The following CAST variants were observed in gnomAD, a reference collection of about 807,000 sequenced individuals.
The protein encoded by CAST is calpastatin, also known as MIR583 host.
Under a neutral mutation model 119.6 loss-of-function variants are expected in CAST, and 76 were observed. The observed-to-expected ratio is 0.64, with a 90% CI of 0.53 to 0.77. The LOEUF (loss-of-function observed/expected upper bound fraction) is 0.77. Ranked by LOEUF, CAST falls within the 30% of genes least tolerant of loss-of-function variation. The probability of loss-of-function intolerance (pLI) is 0.00; values close to 1 mark genes in which losing one functional copy is unlikely to be tolerated. For synonymous variants in CAST, 319 were observed against 331.6 expected (o/e 0.96, Z 0.41); for missense variants, 953 against 946.5 (o/e 1.01, Z -0.09).
intron 1 of CAST, among the ~76,000 whole-genome samples, chr5:96,604,802 T>C (rs1747221666): frequency 6.6e-6 from 1 of 152,198 alleles, no homozygotes; most frequent in Non-Finnish European, 1.5e-5. Flanking sequence ...GCAATGGCAA[T>C]CCATCAAAGG....
the CAST span, chr5:96,416,189 A>G: frequency 4.8e-6 from 5 of 1,035,420 alleles, no homozygotes; most frequent in East Asian, 7.1e-5. Context: ...ATATGAATGA[A>G]TTAATGGGGC....
chr5:96,282,296 T>G, the CAST span, among the ~76,000 whole-genome samples: 6 of 152,196 alleles, frequency 3.9e-5, no homozygotes, highest in Middle Eastern at 3.2e-3. Flanking sequence ...TGTTTTATCC[T>G]GTGTCAACTG....
At chr5:96,589,528 A>T (rs1000334995) in intron 1 of CAST, among the ~76,000 whole-genome samples, 3 of 152,150 alleles carry the variant, frequency 2.0e-5, no homozygotes, top group African/African-American at 7.2e-5. Context: ...TCATTTTTGC[A>T]CTTGCTTTTA....
the CAST span, among the ~76,000 whole-genome samples, chr5:96,430,812 T>C: frequency 6.6e-6 from 1 of 152,202 alleles, no homozygotes; most frequent in Non-Finnish European, 1.5e-5. Flanking sequence ...TAAATATAGA[T>C]GGTTTTCCCC....
the CAST span, among the ~76,000 whole-genome samples, chr5:96,425,113 C>T: frequency 2.4e-3 from 367 of 151,842 alleles, 1 homozygote; most frequent in South Asian, 0.015. Flanking sequence ...TTTTCTAACC[C>T]TTATGCAACA....
chr5:96,447,423 G>A, the CAST span, among the ~76,000 whole-genome samples: 2 of 152,160 alleles, frequency 1.3e-5, no homozygotes, highest in Non-Finnish European at 1.5e-5. Context: ...AATAGCCACC[G>A]ACTACATATA....
the CAST span, among the ~76,000 whole-genome samples, chr5:96,231,275 C>T: frequency 6.6e-6 from 1 of 152,016 alleles, no homozygotes; most frequent in Non-Finnish European, 1.5e-5. Flanking sequence ...TGTTTTATGT[C>T]CATAGAATAG....
At chr5:96,003,779 G>C in the CAST span, among the ~76,000 whole-genome samples, 1 of 152,068 alleles carries the variant, frequency 6.6e-6, no homozygotes, top group Non-Finnish European at 1.5e-5. Flanking sequence ...GTTTTTAAGA[G>C]ACCACAATTA....
chr5:96,737,270 C>T (rs1391041476), intron 10 of CAST, among the ~76,000 whole-genome samples: 1 of 151,956 alleles, frequency 6.6e-6, no homozygotes, highest in Non-Finnish European at 1.5e-5. Context: ...AGTTTAATGT[C>T]TCAGGTAATT....
At chr5:96,033,682 A>C in the CAST span, among the ~76,000 whole-genome samples, 2 of 152,170 alleles carry the variant, frequency 1.3e-5, no homozygotes, top group Non-Finnish European at 2.9e-5. Context: ...ATAAGACCTC[A>C]AACTATGAAA....
chr5:96,716,333 A>G (rs1379378026), intron 3 of CAST, among the ~76,000 whole-genome samples: 2 of 152,228 alleles, frequency 1.3e-5, no homozygotes, highest in Non-Finnish European at 2.9e-5. Context: ...TAAATGACCT[A>G]AAGTTTAAAT....
chr5:95,961,870 G>T, the CAST span: 27 of 1,043,366 alleles, frequency 2.6e-5, no homozygotes, highest in Non-Finnish European at 3.5e-5. Context: ...CCAGACCTCG[G>T]ACTGCCACCG....
chr5:96,286,759 T>G, the CAST span, among the ~76,000 whole-genome samples: 18 of 152,290 alleles, frequency 1.2e-4, no homozygotes, highest in African/African-American at 4.1e-4. Context: ...CATGAGGGTA[T>G]TTTTTAAAAT....
chr5:96,243,206 A>G, the CAST span, among the ~76,000 whole-genome samples: 2 of 151,692 alleles, frequency 1.3e-5, no homozygotes, highest in African/African-American at 4.8e-5. Flanking sequence ...TTACAGGTCA[A>G]ACATTGGGAT....
the CAST span, among the ~76,000 whole-genome samples, chr5:96,215,971 C>A: frequency 6.6e-6 from 1 of 152,002 alleles, no homozygotes; most frequent in Admixed American, 6.6e-5. Context: ...CCACACCCAG[C>A]TAATTTTTGT....
the CAST span, among the ~76,000 whole-genome samples, chr5:96,208,335 C>G: frequency 1.3e-5 from 2 of 151,308 alleles, no homozygotes; most frequent in Non-Finnish European, 2.9e-5. Context: ...TAGTTCAGTT[C>G]TGATTTGGGT....
chr5:96,383,693 G>T, the CAST span, among the ~76,000 whole-genome samples: 1 of 152,200 alleles, frequency 6.6e-6, no homozygotes, highest in East Asian at 1.9e-4. Context: ...TGATCTGCCT[G>T]CCTTGGCCTT....
the CAST span, among the ~76,000 whole-genome samples, chr5:96,109,663 C>G: frequency 1.3e-5 from 2 of 152,130 alleles, no homozygotes; most frequent in East Asian, 3.8e-4. Context: ...AGGAAGTGTT[C>G]TGGCTTGAAG....
At chr5:96,064,684 A>G in the CAST span, among the ~76,000 whole-genome samples, 2 of 137,602 alleles carry the variant, frequency 1.5e-5, no homozygotes, top group African/African-American at 2.7e-5. Context: ...TATTCATTGT[A>G]GTTTGTGCCT....
Sources: allele counts gnomAD v4.1 joint callset (sites outside exome capture counted in the v4.1 genomes callset), GRCh38; gene constraint gnomAD v4.1.1; transcripts MANE v1.5; gene names NCBI Gene and HGNC (gene_info 2026-07-23, HGNC 2026-07-21).